Variants in PRKN observed in about 807,000 individuals in gnomAD.
The protein encoded by PRKN is E3 ubiquitin-protein ligase parkin.
Under a neutral mutation model 59.5 loss-of-function variants are expected in PRKN, and 56 were observed. That is an observed-to-expected ratio of 0.94 (90% CI 0.76 to 1.18). The LOEUF (loss-of-function observed/expected upper bound fraction) is 1.18, where lower values mean the gene tolerates loss of function less well. Among genes scored for constraint, PRKN ranks in the 50% most tolerant of loss-of-function variants. PRKN has a pLI of 0.00. For missense variants in PRKN, 657 were observed against 596.4 expected (o/e 1.10, Z -1.06); for synonymous variants, 250 against 222.1 (o/e 1.13, Z -1.12).
At chr6:162,622,440 T>C (rs1782715416) in intron 1 of PRKN, among the ~76,000 whole-genome samples, 3 of 152,108 alleles carry the variant, frequency 2.0e-5, no homozygotes, top group African/African-American at 7.2e-5. Flanking sequence ...CACCTTGGCC[T>C]TTCAAAGTGC....
intron 5 of PRKN, among the ~76,000 whole-genome samples, chr6:162,001,483 G>A (rs1205290564): frequency 2.0e-5 from 3 of 151,788 alleles, no homozygotes; most frequent in Admixed American, 6.6e-5. Flanking sequence ...AGCAATTGAC[G>A]TTTGCACATT....
At chr6:162,137,135 T>C (rs1781588798) in intron 4 of PRKN, among the ~76,000 whole-genome samples, 1 of 152,128 alleles carries the variant, frequency 6.6e-6, no homozygotes, top group South Asian at 2.1e-4. Flanking sequence ...AATCATTTAT[T>C]AAAAGCCTTC....
At position 161,551,258 on chromosome 6, in the gene PRKN, C is replaced by A. The variant is rs1437860312; in HGVS notation, c.934-2255G>T. On this transcript the variant is annotated intron_variant, in intron 8 of 11. Coordinates refer to ENST00000366898, the MANE Select transcript of PRKN (RefSeq NM_004562.3). The surrounding 1 kb of genome is among the most constrained non-coding windows in gnomAD (Gnocchi z 5.2). ...TACATAACCCTTGCCCACAGCACAG[C>A]CCCAAATGCCAAGGAAGGACCTGGG... Among the ~76,000 whole-genome samples, 7 of 152,178 alleles carry A rather than the reference C, an allele frequency of 4.6e-5. No homozygotes were observed. Among genetic ancestry groups the A allele is most frequent in the Non-Finnish European group, 1.0e-4 (7 of 68,034 alleles).
intron 7 of PRKN, among the ~76,000 whole-genome samples, chr6:161,731,488 A>G (rs1333343995): frequency 6.6e-6 from 1 of 152,246 alleles, no homozygotes; most frequent in Admixed American, 6.5e-5. Flanking sequence ...AATTTAACAT[A>G]AAGCATAAAA....
intron 1 of PRKN, among the ~76,000 whole-genome samples, chr6:162,562,118 A>G (rs1779869953): frequency 1.3e-5 from 2 of 152,070 alleles, no homozygotes; most frequent in Admixed American, 6.5e-5. Flanking sequence ...CCACAGCAGG[A>G]AAGGGCAACA....
chr6:162,283,669 C>T (rs766354003), intron 2 of PRKN, among the ~76,000 whole-genome samples: 6 of 152,136 alleles, frequency 3.9e-5, no homozygotes, highest in African/African-American at 7.2e-5. Context: ...TGCAGGTATG[C>T]GCTATCACAC....
intron 5 of PRKN, among the ~76,000 whole-genome samples, chr6:162,018,751 C>T (rs926080608): frequency 4.6e-5 from 7 of 152,126 alleles, no homozygotes; most frequent in Non-Finnish European, 7.4e-5. Flanking sequence ...CAAAACCTAT[C>T]TTGAGTATAG....
intron 7 of PRKN, among the ~76,000 whole-genome samples, chr6:161,663,891 A>G (rs186989465): frequency 1.0e-3 from 153 of 152,218 alleles, no homozygotes; most frequent in African/African-American, 3.5e-3. Context: ...GATGCTGCAC[A>G]TGGGGGAGTG....
At position 161,545,573 on chromosome 6, in the gene PRKN, A is replaced by C. The variant is rs1448319711; in HGVS notation, c.1083+3281T>G. The C allele has an allele frequency of 4.4e-6, 3 of 688,682 alleles. No individual in the cohort carries two copies. In the East Asian group the frequency reaches 8.1e-5, roughly 19 times the overall value. The allele number at this position is 688,682 out of a possible 1,614,324, so 42.7% of individuals were successfully genotyped here. A position where few individuals can be genotyped will look rare whatever the true frequency, so the allele number is the denominator to read the frequency against. On this transcript the variant is annotated intron_variant, in intron 9 of 11. Coordinates refer to ENST00000366898, the MANE Select transcript of PRKN (RefSeq NM_004562.3). This position sits in a 1 kb window ranked among gnomAD's most constrained non-coding sequence, Gnocchi z 4.1. The stretch of plus-strand genomic sequence containing the variant: ...GCTTTCCATTACACTCCTTAAACCC[A>C]GAAAAGATGGGCAGCTTACAAGGTT...
chr6:161,898,895 GA>G (rs1777770425), intron 6 of PRKN, among the ~76,000 whole-genome samples: 1 of 152,170 alleles, frequency 6.6e-6, no homozygotes, highest in Non-Finnish European at 1.5e-5. Flanking sequence ...AAGTGATGGG[GA>G]ATAATGTCTA....
At chr6:162,678,675 TTAAA>T (rs1779650646) in intron 1 of PRKN, among the ~76,000 whole-genome samples, 2 of 152,210 alleles carry the variant, frequency 1.3e-5, no homozygotes, top group South Asian at 2.1e-4. Context: ...TGAGAGTTCT[TTAAA>T]TAGTCTAAAT....
intron 2 of PRKN, among the ~76,000 whole-genome samples, chr6:162,299,669 A>G (rs1023881306): frequency 6.6e-6 from 1 of 151,598 alleles, no homozygotes; most frequent in Non-Finnish European, 1.5e-5. Context: ...AAATAAATAT[A>G]TACATATATT....
Position 161,560,794 on chromosome 6 carries a change from T to C in PRKN, c.933+8561A>G, listed in dbSNP as rs575362540. Among the ~76,000 whole-genome samples the C allele has an allele frequency of 4.1e-4, 63 of 152,366 alleles. No homozygotes were observed. In the South Asian group the frequency reaches 0.012, roughly 30 times the overall value. ...AATTCTTCAACTTCATCAAGACGTC[T>C]AATTAATTGGCCCCATATTTCCTCT... On this transcript the variant is annotated intron_variant, in intron 8 of 11. Transcript: ENST00000366898. The surrounding 1 kb of genome is among the most constrained non-coding windows in gnomAD (Gnocchi z 4.9).
rs73026936 is a variant in PRKN, at chr6:161,451,123, G to A, written c.1084-64246C>T. 6.7e-3 allele frequency among the ~76,000 whole-genome samples: 1,025 copies of A among 152,218 alleles called. 9 individuals carry two copies. The highest frequency in any genetic ancestry group is 0.018 in the African/African-American group (766 of 41,514). ...GAGAACTGGCAAGGGGCTAACTTCT[G>A]CATGACGTGTTTCCATGTTATTTCT... On this transcript the variant is annotated intron_variant, in intron 9 of 11. Coordinates refer to ENST00000366898, the MANE Select transcript of PRKN (RefSeq NM_004562.3). The surrounding 1 kb of genome is among the most constrained non-coding windows in gnomAD (Gnocchi z 5.9).
chr6:161,926,802 T>C (rs967200675), intron 6 of PRKN, among the ~76,000 whole-genome samples: 1 of 152,172 alleles, frequency 6.6e-6, no homozygotes, highest in African/African-American at 2.4e-5. Context: ...CTACGAGAGA[T>C]ATAACTGTCT....
intron 9 of PRKN, among the ~76,000 whole-genome samples, chr6:161,537,521 G>A (rs1353182711): frequency 2.0e-5 from 3 of 150,332 alleles, no homozygotes; most frequent in Non-Finnish European, 2.9e-5. Context: ...GCGTGATCTC[G>A]GCTCACTGCA....
At chr6:162,253,500 ATAAC>A in intron 3 of PRKN, among the ~76,000 whole-genome samples, 2 of 152,326 alleles carry the variant, frequency 1.3e-5, no homozygotes, top group Middle Eastern at 6.8e-3. Flanking sequence ...TCCAAAATAA[ATAAC>A]TGTTACAGCA....
rs565797173 is a variant in PRKN, at chr6:162,587,774, T to C, written c.7+139888A>G. Among the ~76,000 whole-genome samples, 24 of 152,200 alleles carry C rather than the reference T, an allele frequency of 1.6e-4. 1 individual carries two copies. In the South Asian group the frequency reaches 5.0e-3, roughly 32 times the overall value. On this transcript the variant is annotated intron_variant, in intron 1 of 11. Coordinates refer to ENST00000366898, the MANE Select transcript of PRKN (RefSeq NM_004562.3). ...ATAAACCTCCTTGATGATTACAAAA[T>C]GACTTTCCTCATAAAGAAGCACAGA...
chr6:162,024,482 C>T (rs1248378934), intron 5 of PRKN, among the ~76,000 whole-genome samples: 1 of 152,190 alleles, frequency 6.6e-6, no homozygotes, highest in Non-Finnish European at 1.5e-5. Context: ...TAGGCGTGAG[C>T]CACAGCGCCC....
Sources: allele counts gnomAD v4.1 joint callset (sites outside exome capture counted in the v4.1 genomes callset), GRCh38; gene constraint gnomAD v4.1.1; non-coding constraint Gnocchi (gnomAD v3.1); transcripts MANE v1.5; gene names NCBI Gene and HGNC (gene_info 2026-07-23, HGNC 2026-07-21).